The following COL21A1 variants were observed in gnomAD, a reference collection of about 807,000 sequenced individuals.
The protein encoded by COL21A1 is collagen type XXI alpha 1 chain.
COL21A1 carries 149 observed loss-of-function variants against 137.9 expected under a neutral mutation model. The ratio of observed to expected loss-of-function variants is 1.08; its 90% CI spans 0.95 to 1.24. The LOEUF is 1.24. COL21A1 is among the 50% of genes most tolerant of loss of function. The pLI is 0.00. For synonymous variants in COL21A1, 456 were observed against 391.5 expected, an observed-to-expected ratio of 1.16 and a Z score of -1.95; for missense variants, 1,167 against 1,158.4, an observed-to-expected ratio of 1.01 and a Z score of -0.11.
At chr6:56,361,353 T>G (rs115795055) in intron 1 of COL21A1, among the ~76,000 whole-genome samples, 1 of 152,310 alleles carries the variant, frequency 6.6e-6, no homozygotes, top group Non-Finnish European at 1.5e-5. Context: ...GTGATCATGA[T>G]TTTGTTTGCA....
chr6:56,286,198 C>T (rs914982382), intron 1 of COL21A1, among the ~76,000 whole-genome samples: 1 of 152,152 alleles, frequency 6.6e-6, no homozygotes, highest in African/African-American at 2.4e-5. Context: ...AGAGAAGAGA[C>T]CATCCATAAA....
chr6:56,260,388 GCCTGGCGAAAC>G (rs1763221286), intron 1 of COL21A1, among the ~76,000 whole-genome samples: 1 of 151,680 alleles, frequency 6.6e-6, no homozygotes, highest in Non-Finnish European at 1.5e-5. Flanking sequence ...TTTGGGACCA[GCCTGGCGAAAC>G]CCTGCCTCTA....
Position 56,182,633 on chromosome 6 carries a change from T to C in COL21A1, c.-15A>G. 5.7e-6 allele frequency: 9 copies of C among 1,576,890 alleles called. No homozygotes were observed. Among genetic ancestry groups the C allele is most frequent in the Non-Finnish European group, 7.8e-6 (9 of 1,157,028 alleles). On this transcript the variant is annotated 5_prime_UTR_variant, in exon 2 of 30. Transcript: ENST00000244728. ...TAGTGAGCCATGTTTCTGTTTTCGTTCTAATATTTTGGTTTTAGGATTCCT... is the reference window on the plus strand; with the variant it reads ...TAGTGAGCCATGTTTCTGTTTTCGTCCTAATATTTTGGTTTTAGGATTCCT...
intron 12 of COL21A1, among the ~76,000 whole-genome samples, chr6:56,128,787 C>T (rs12201429): frequency 0.15 from 22,841 of 151,928 alleles, 1,758 homozygotes; most frequent in Middle Eastern, 0.22. Flanking sequence ...CCTGAGTAGC[C>T]GGGATTACAG....
chr6:56,232,771 C>T (rs1781652579), intron 1 of COL21A1, among the ~76,000 whole-genome samples: 1 of 151,846 alleles, frequency 6.6e-6, no homozygotes, highest in Admixed American at 6.6e-5. Context: ...TCCCTAGAGC[C>T]ACATATTGCT....
chr6:56,297,160 G>A (rs1764181446), intron 1 of COL21A1, among the ~76,000 whole-genome samples: 1 of 152,004 alleles, frequency 6.6e-6, no homozygotes, highest in Non-Finnish European at 1.5e-5. Flanking sequence ...AGGCCAAAAT[G>A]ACAACATATT....
chr6:56,163,530 G>A (rs1220374409), intron 9 of COL21A1, among the ~76,000 whole-genome samples: 1 of 152,060 alleles, frequency 6.6e-6, no homozygotes, highest in Admixed American at 6.6e-5. Context: ...CCAACACGGT[G>A]AAACCCCGTC....
chr6:56,164,555 A>G (rs1393612440), intron 8 of COL21A1, 49 bp from the exon 9 acceptor site: 1 of 1,291,376 alleles, frequency 7.7e-7, no homozygotes, highest in Non-Finnish European at 1.1e-6. Context: ...AAGACATATA[A>G]GTACATGCAC....
chr6:56,136,878 C>T (rs1214597079), intron 12 of COL21A1, among the ~76,000 whole-genome samples: 1 of 152,086 alleles, frequency 6.6e-6, no homozygotes, highest in Non-Finnish European at 1.5e-5. Context: ...ATGAACACTC[C>T]TATGGCCCAG....
chr6:56,366,966 A>G (rs1344917507), intron 1 of COL21A1, among the ~76,000 whole-genome samples: 1 of 152,170 alleles, frequency 6.6e-6, no homozygotes, highest in Non-Finnish European at 1.5e-5. Context: ...ACCTTACCTC[A>G]ATTTACTTAA....
At chr6:56,339,091 G>C (rs185631083) in intron 1 of COL21A1, among the ~76,000 whole-genome samples, 1 of 152,246 alleles carries the variant, frequency 6.6e-6, no homozygotes, top group East Asian at 1.9e-4. Flanking sequence ...CTCTCAGATG[G>C]AAACTGGACT....
At chr6:56,217,915 G>T (rs1780590222) in intron 1 of COL21A1, among the ~76,000 whole-genome samples, 1 of 152,088 alleles carries the variant, frequency 6.6e-6, no homozygotes, top group African/African-American at 2.4e-5. Context: ...GCACCTCTGA[G>T]AGCTGGAGGT....
intron 1 of COL21A1, among the ~76,000 whole-genome samples, chr6:56,223,118 G>A (rs1174675584): frequency 6.6e-6 from 1 of 151,868 alleles, no homozygotes; most frequent in African/African-American, 2.4e-5. Context: ...GATAAACCGT[G>A]TTCTTCCAAC....
At chr6:56,164,543 G>A (rs998395475) in intron 8 of COL21A1, 37 bp from the exon 9 acceptor site, 1 of 1,416,794 alleles carries the variant, frequency 7.1e-7, no homozygotes, top group East Asian at 2.4e-5. Flanking sequence ...AACAAGCATG[G>A]AAAGACATAT....
intron 1 of COL21A1, among the ~76,000 whole-genome samples, chr6:56,207,762 G>T (rs1779887543): frequency 6.6e-6 from 1 of 152,146 alleles, no homozygotes; most frequent in Non-Finnish European, 1.5e-5. Context: ...TATCCCTGAT[G>T]AACATTGACA....
At chr6:56,109,945 G>T (rs1343828749) in intron 16 of COL21A1, among the ~76,000 whole-genome samples, 1 of 151,894 alleles carries the variant, frequency 6.6e-6, no homozygotes, top group African/African-American at 2.4e-5. Context: ...ATATAAAGAA[G>T]AAATGACACT....
chr6:56,125,752 AGTTTGCTTTAAAAGGCCC>A, intron 13 of COL21A1, 132 bp from the exon 14 acceptor site: 1 of 632,746 alleles, frequency 1.6e-6, no homozygotes, highest in Non-Finnish European at 2.5e-6. Context: ...AATAATTTAA[AGTTTGCTTTAAAAGGCCC>A]TCATTTCCAG....
rs775982915 is a variant in COL21A1, at chr6:56,141,823, G to A, written c.1504C>T (p.Pro502Ser). Residue 502 changes from proline to serine, a missense_variant, in exon 12 of 30, where the codon CCA becomes TCA. Transcript: ENST00000244728. ...CGCCCTGGTTCTCCTTTGTAACCTG[G>A]TAGTCCTCGAGCTCCCTAAATTAAC... ...SPGIQGARGLPGYKGEPGRDG... is the reference protein window; with the variant it reads ...SPGIQGARGLSGYKGEPGRDG... 29 of 1,613,526 alleles carry A rather than the reference G, an allele frequency of 1.8e-5. No individual in the cohort carries two copies. The highest frequency in any genetic ancestry group is 2.5e-5 in the Non-Finnish European group (29 of 1,179,686).
intron 16 of COL21A1, among the ~76,000 whole-genome samples, chr6:56,123,175 T>G (rs1387396733): frequency 2.0e-5 from 3 of 152,188 alleles, no homozygotes; most frequent in African/African-American, 7.2e-5. Context: ...CTAATAAATA[T>G]CAATAAAATC....
Sources: gnomAD v4.1 joint callset for allele counts (sites outside exome capture counted in the v4.1 genomes callset) on GRCh38, gnomAD v4.1.1 for gene constraint, MANE v1.5 for transcripts, NCBI Gene and HGNC (gene_info 2026-07-23, HGNC 2026-07-21) for gene names.